Variants in GPC5 observed in about 807,000 individuals in gnomAD.
GPC5 encodes the protein glypican-5.
A neutral mutation model predicts 53.9 loss-of-function variants in GPC5; 47 were observed. The observed-to-expected ratio is 0.87, with a 90% CI of 0.69 to 1.11. GPC5 has a LOEUF of 1.11. Ranked by LOEUF, GPC5 falls within the 50% of genes most tolerant of loss-of-function variation. The probability of loss-of-function intolerance (pLI) is 0.00; values close to 1 mark genes in which losing one functional copy is unlikely to be tolerated. For synonymous variants in GPC5, 286 were observed against 263.3 expected (o/e 1.09, Z -0.84); for missense variants, 748 against 713.1 (o/e 1.05, Z -0.56).
At chr13:92,557,422 G>T (rs1287511668) in intron 7 of GPC5, among the ~76,000 whole-genome samples, 2 of 151,822 alleles carry the variant, frequency 1.3e-5, no homozygotes, top group Non-Finnish European at 2.9e-5. Context: ...ATTATAAAAA[G>T]TAAATTAGAT....
chr13:92,197,368 TTATAAC>T (rs2042264372), intron 7 of GPC5, among the ~76,000 whole-genome samples: 1 of 152,208 alleles, frequency 6.6e-6, no homozygotes, highest in African/African-American at 2.4e-5. Context: ...ATCTATATCT[TTATAAC>T]TATATTGATC....
intron 7 of GPC5, among the ~76,000 whole-genome samples, chr13:92,308,500 T>C (rs900404384): frequency 6.6e-6 from 1 of 152,226 alleles, no homozygotes; most frequent in African/African-American, 2.4e-5. Context: ...ATGACCTTGT[T>C]CTTAAGAATG....
intron 6 of GPC5, among the ~76,000 whole-genome samples, chr13:91,993,433 C>T (rs2040475216): frequency 1.3e-5 from 2 of 151,692 alleles, no homozygotes; most frequent in South Asian, 4.1e-4. Flanking sequence ...TTTGAGAATG[C>T]AGATTTGAAA....
intron 5 of GPC5, among the ~76,000 whole-genome samples, chr13:91,784,448 G>A (rs2037845936): frequency 6.6e-6 from 1 of 152,072 alleles, no homozygotes; most frequent in Admixed American, 6.5e-5. Flanking sequence ...TTTGAGGCCG[G>A]GCGCAGTGGC....
At chr13:92,619,950 A>G (rs1346024278) in intron 7 of GPC5, among the ~76,000 whole-genome samples, 1 of 152,090 alleles carries the variant, frequency 6.6e-6, no homozygotes. Flanking sequence ...AGAGGACAGT[A>G]TATAATGCTA....
At chr13:92,804,230 T>G (rs915251928) in intron 7 of GPC5, among the ~76,000 whole-genome samples, 97 of 151,958 alleles carry the variant, frequency 6.4e-4, no homozygotes, top group African/African-American at 2.2e-3. Flanking sequence ...GCATTTATTC[T>G]ATTAAGAGGC....
intron 7 of GPC5, among the ~76,000 whole-genome samples, chr13:92,484,859 C>T (rs8001702): frequency 0.63 from 96,093 of 151,824 alleles, 30,613 homozygotes; most frequent in East Asian, 0.75. Flanking sequence ...CTCAGCCTCC[C>T]GAGTAGCTGG....
At chr13:92,299,960 T>C (rs1594082269) in intron 7 of GPC5, among the ~76,000 whole-genome samples, 1 of 152,112 alleles carries the variant, frequency 6.6e-6, no homozygotes, top group South Asian at 2.1e-4. Flanking sequence ...CTGTAAGGAG[T>C]GTTCCTTCCT....
chr13:91,810,872 T>G (rs568992958), intron 5 of GPC5, among the ~76,000 whole-genome samples: 27 of 151,516 alleles, frequency 1.8e-4, no homozygotes, highest in Non-Finnish European at 3.8e-4. Context: ...CTTAATAGGA[T>G]TTTGAGGAAC....
chr13:92,765,808 A>G (rs191270069), intron 7 of GPC5, among the ~76,000 whole-genome samples: 9 of 152,282 alleles, frequency 5.9e-5, no homozygotes, highest in Admixed American at 5.2e-4. Context: ...CCAGATAGTA[A>G]TATTTTAGGC....
chr13:92,621,230 T>C (rs1191118973), intron 7 of GPC5, among the ~76,000 whole-genome samples: 2 of 152,106 alleles, frequency 1.3e-5, no homozygotes, highest in Non-Finnish European at 2.9e-5. Context: ...CAAAACCAAC[T>C]CTGCCATTGG....
At chr13:91,782,762 G>A (rs1441160241) in intron 5 of GPC5, among the ~76,000 whole-genome samples, 2 of 152,000 alleles carry the variant, frequency 1.3e-5, no homozygotes, top group African/African-American at 4.8e-5. Context: ...CATTTTATAT[G>A]TGAGAAAACT....
intron 7 of GPC5, among the ~76,000 whole-genome samples, chr13:92,789,830 C>A (rs927300273): frequency 3.9e-5 from 6 of 152,138 alleles, no homozygotes; most frequent in African/African-American, 1.2e-4. Flanking sequence ...AAGGTGAAGT[C>A]CCACAATAGG....
chr13:92,005,607 T>C (rs1175802248), intron 6 of GPC5, among the ~76,000 whole-genome samples: 1 of 152,210 alleles, frequency 6.6e-6, no homozygotes, highest in African/African-American at 2.4e-5. Flanking sequence ...TATATATGTA[T>C]ATACACAGAT....
chr13:92,474,972 C>G (rs1199135235), intron 7 of GPC5, among the ~76,000 whole-genome samples: 1 of 152,072 alleles, frequency 6.6e-6, no homozygotes, highest in Non-Finnish European at 1.5e-5. Flanking sequence ...AATCATAAAA[C>G]CAATTTTCTT....
chr13:92,062,444 G>C (rs1349187546), intron 6 of GPC5, among the ~76,000 whole-genome samples: 1 of 151,860 alleles, frequency 6.6e-6, no homozygotes, highest in Non-Finnish European at 1.5e-5. Context: ...TTTACACAAA[G>C]TTTGGCTATT....
At chr13:92,113,697 A>AT (rs769309367) in intron 6 of GPC5, among the ~76,000 whole-genome samples, 19 of 152,302 alleles carry the variant, frequency 1.2e-4, no homozygotes, top group Non-Finnish European at 2.6e-4. Flanking sequence ...CTACCATGGT[A>AT]TCAAACTCTA....
intron 6 of GPC5, among the ~76,000 whole-genome samples, chr13:92,095,427 A>C (rs1340125462): frequency 6.6e-6 from 1 of 152,054 alleles, no homozygotes; most frequent in Admixed American, 6.5e-5. Context: ...GGCTCACTGC[A>C]ACCTCCGCCT....
At chr13:92,421,262 C>G (rs114444658) in intron 7 of GPC5, among the ~76,000 whole-genome samples, 1 of 152,134 alleles carries the variant, frequency 6.6e-6, no homozygotes, top group Non-Finnish European at 1.5e-5. Context: ...TTGCTCCTCC[C>G]AAGCTGTGGT....
Sources: allele counts gnomAD v4.1 joint callset (sites outside exome capture counted in the v4.1 genomes callset), GRCh38; gene constraint gnomAD v4.1.1; transcripts MANE v1.5; gene names NCBI Gene and HGNC (gene_info 2026-07-23, HGNC 2026-07-21).